The following ARL15 variants were observed in gnomAD, a reference collection of about 807,000 sequenced individuals.
The protein encoded by ARL15 is ARF like GTPase 15.
A neutral mutation model predicts 25.2 loss-of-function variants in ARL15; 19 were observed. The ratio of observed to expected loss-of-function variants is 0.75; its 90% CI spans 0.53 to 1.10. The LOEUF is 1.10. Ranked by LOEUF, ARL15 falls within the 50% of genes least tolerant of loss-of-function variation. The pLI is 0.00. For synonymous variants in ARL15, 94 were observed against 86.8 expected (o/e 1.08, Z -0.46); for missense variants, 220 against 246.0 (o/e 0.89, Z 0.71).
intron 4 of ARL15, among the ~76,000 whole-genome samples, chr5:53,943,408 G>A (rs1279183183): frequency 2.0e-5 from 3 of 152,132 alleles, no homozygotes; most frequent in Non-Finnish European, 4.4e-5. Flanking sequence ...GTTTGAGAGA[G>A]GAGGAGAAAC....
chr5:54,167,632 CTT>C (rs1238864223), intron 2 of ARL15, among the ~76,000 whole-genome samples: 1 of 152,152 alleles, frequency 6.6e-6, no homozygotes, highest in East Asian at 1.9e-4. Flanking sequence ...ACTGCCCTCT[CTT>C]GAGCATATTC....
intron 1 of ARL15, among the ~76,000 whole-genome samples, chr5:54,178,258 C>T (rs1358934298): frequency 1.3e-5 from 2 of 152,126 alleles, no homozygotes; most frequent in Middle Eastern, 3.2e-3. Flanking sequence ...TCAATTGATG[C>T]TCTGTTTTTC....
At chr5:54,007,626 G>A (rs1283518367) in intron 4 of ARL15, among the ~76,000 whole-genome samples, 1 of 152,110 alleles carries the variant, frequency 6.6e-6, no homozygotes, top group African/African-American at 2.4e-5. Flanking sequence ...GGGCAAGGTG[G>A]TAAAACCCCG....
intron 4 of ARL15, among the ~76,000 whole-genome samples, chr5:54,035,482 T>A (rs1376522656): frequency 6.6e-6 from 1 of 152,226 alleles, no homozygotes; most frequent in Non-Finnish European, 1.5e-5. Context: ...TATGATATAT[T>A]AATACTTGGT....
chr5:54,014,370 G>GT (rs1315344029), intron 4 of ARL15, among the ~76,000 whole-genome samples: 3 of 152,110 alleles, frequency 2.0e-5, no homozygotes, highest in Non-Finnish European at 4.4e-5. Context: ...GACCAAGAAT[G>GT]TAAGGACACC....
intron 1 of ARL15, among the ~76,000 whole-genome samples, chr5:54,187,927 G>T (rs76868075): frequency 0.03 from 4,524 of 152,274 alleles, 75 homozygotes; most frequent in Non-Finnish European, 0.044. Flanking sequence ...GCTATTGTTT[G>T]TCACTAGCAG....
In ARL15 at chr5:54,032,344, C is replaced by T. The variant is rs182331712; in HGVS notation, c.462+80858G>A. On this transcript the variant is annotated intron_variant, in intron 4 of 4. Transcript: ENST00000504924. Reference sequence around the variant, plus strand: ...CGCCTCCTGGGTTCAAGCAATTCTCCTACCTTAACCTCCCGAGTAGCTGGG... The same window carrying T: ...CGCCTCCTGGGTTCAAGCAATTCTCTTACCTTAACCTCCCGAGTAGCTGGG... Among the ~76,000 whole-genome samples the T allele has an allele frequency of 7.2e-5, 11 of 152,118 alleles. No individual in the cohort carries two copies. The East Asian group carries it at 2.1e-3, about 29-fold the overall frequency.
intron 1 of ARL15, among the ~76,000 whole-genome samples, chr5:54,217,135 A>C (rs1353034286): frequency 1.3e-5 from 2 of 152,000 alleles, no homozygotes; most frequent in Non-Finnish European, 2.9e-5. Context: ...TTATCCTCCC[A>C]AAGTATTTTG....
At chr5:53,901,175 C>T (rs144881614) in intron 4 of ARL15, among the ~76,000 whole-genome samples, 86 of 152,170 alleles carry the variant, frequency 5.7e-4, no homozygotes, top group African/African-American at 1.7e-3. Context: ...CCTTTCCTTC[C>T]TTTCTGTCAA....
intron 3 of ARL15, among the ~76,000 whole-genome samples, chr5:54,142,056 T>G (rs781615313): frequency 2.0e-5 from 3 of 152,220 alleles, no homozygotes; most frequent in Non-Finnish European, 4.4e-5. Context: ...TTTTCACTTC[T>G]CCTAAGAGTG....
chr5:53,946,455 G>GAAAAAAAAAAA (rs55727717), intron 4 of ARL15, among the ~76,000 whole-genome samples: 51 of 43,840 alleles, frequency 1.2e-3, no homozygotes, highest in East Asian at 1.6e-3. Context: ...GTCTCAAGAG[G>GAAAAAAAAAAA]AAAAAAAAAA....
chr5:54,005,277 G>A (rs1285920938), intron 4 of ARL15, among the ~76,000 whole-genome samples: 1 of 144,254 alleles, frequency 6.9e-6, no homozygotes, highest in East Asian at 2.2e-4. Flanking sequence ...ATACCTTCTG[G>A]TGTCCTATAC....
intron 4 of ARL15, among the ~76,000 whole-genome samples, chr5:53,983,063 T>G (rs951178653): frequency 1.8e-4 from 27 of 152,134 alleles, no homozygotes; most frequent in African/African-American, 6.5e-4. Context: ...CACCCAGCGG[T>G]TTTTTCTTAT....
chr5:54,018,207 AT>A (rs753838453), intron 4 of ARL15, among the ~76,000 whole-genome samples: 10 of 151,220 alleles, frequency 6.6e-5, no homozygotes, highest in South Asian at 2.1e-4. Context: ...TCAAATGCAC[AT>A]TTTTTTTTCT....
intron 4 of ARL15, among the ~76,000 whole-genome samples, chr5:54,111,949 T>C (rs1752753829): frequency 6.6e-6 from 1 of 152,138 alleles, no homozygotes; most frequent in Non-Finnish European, 1.5e-5. Flanking sequence ...GATCTTCACA[T>C]TAATGACTTT....
chr5:54,003,171 C>T (rs1028615558), intron 4 of ARL15, among the ~76,000 whole-genome samples: 1 of 152,122 alleles, frequency 6.6e-6, no homozygotes, highest in African/African-American at 2.4e-5. Flanking sequence ...TATGAACTAG[C>T]TCATTTTGGA....
chr5:53,904,323 G>A (rs932079587), intron 4 of ARL15, among the ~76,000 whole-genome samples: 1 of 152,180 alleles, frequency 6.6e-6, no homozygotes, highest in African/African-American at 2.4e-5. Context: ...TTGCTTCACA[G>A]CTCTCAAGAT....
intron 4 of ARL15, among the ~76,000 whole-genome samples, chr5:54,000,953 T>G (rs1748833659): frequency 1.3e-5 from 2 of 152,232 alleles, no homozygotes; most frequent in South Asian, 4.1e-4. Context: ...AGAAGGGCTC[T>G]GGGCTTAGTT....
At chr5:54,163,461 C>T (rs1454137325) in intron 2 of ARL15, among the ~76,000 whole-genome samples, 1 of 126,208 alleles carries the variant, frequency 7.9e-6, no homozygotes, top group Non-Finnish European at 1.6e-5. Flanking sequence ...ATTTTTCCCT[C>T]CTCTTCAATT....
Sources: allele counts gnomAD v4.1 joint callset (sites outside exome capture counted in the v4.1 genomes callset), GRCh38; gene constraint gnomAD v4.1.1; transcripts MANE v1.5; gene names NCBI Gene and HGNC (gene_info 2026-07-23, HGNC 2026-07-21).